Variants in UBE4B observed in about 807,000 individuals in gnomAD.
UBE4B encodes the protein ubiquitination factor E4B, also known as ubiquitin conjugation factor E4 B.
UBE4B carries 27 observed loss-of-function variants against 148.1 expected under a neutral mutation model. That is an observed-to-expected ratio of 0.18 (90% CI 0.13 to 0.25). UBE4B has a LOEUF of 0.25. Among genes scored for constraint, UBE4B ranks in the 10% least tolerant of loss-of-function variants. The pLI, the probability that UBE4B is intolerant of heterozygous loss-of-function variation, is 1.00. For missense variants in UBE4B, 1,170 were observed against 1,662.4 expected (o/e 0.70, Z 5.15); for synonymous variants, 596 against 619.3 (o/e 0.96, Z 0.56).
chr1:10,076,851 A>C (rs988484575), intron 2 of UBE4B, among the ~76,000 whole-genome samples: 6 of 143,340 alleles, frequency 4.2e-5, no homozygotes, highest in Non-Finnish European at 6.0e-5. Flanking sequence ...GTTTCAAGCT[A>C]TTCTCCTACC....
At chr1:10,087,261 G>A (rs1278316168) in intron 2 of UBE4B, among the ~76,000 whole-genome samples, 1 of 152,140 alleles carries the variant, frequency 6.6e-6, no homozygotes, top group Non-Finnish European at 1.5e-5. Context: ...AACTAGAAAT[G>A]ATGGAACTGG....
chr1:10,120,179 G>A (rs1057459889), intron 9 of UBE4B, among the ~76,000 whole-genome samples: 4 of 152,114 alleles, frequency 2.6e-5, no homozygotes, highest in African/African-American at 4.8e-5. Context: ...AAAAGGATGT[G>A]TATTTCATTT....
At position 10,147,043 on chromosome 1, in the gene UBE4B, C is replaced by A; in HGVS notation, c.2544C>A (p.Gly848=). ...SFLRRCLNFY[G]LLIQLLLRIL... ...TGAGAAGATGTCTGAATTTTTATGG[C>A]CTTCTCATTCAGCTGCTGCTCCGCA... The change falls in exon 19 of 28, where the codon GGC becomes GGA. Residue 848 remains glycine, a synonymous_variant. Coordinates refer to ENST00000343090, the MANE Select transcript of UBE4B (RefSeq NM_001105562.3). 6.2e-7 allele frequency: 1 copy of A among 1,614,136 alleles called. No homozygotes were observed. The highest frequency in any genetic ancestry group is 8.5e-7 in the Non-Finnish European group (1 of 1,180,018).
intron 20 of UBE4B, among the ~76,000 whole-genome samples, chr1:10,149,972 C>A (rs2101985054): frequency 6.6e-6 from 1 of 152,008 alleles, no homozygotes; most frequent in Admixed American, 6.6e-5. Flanking sequence ...GTCTGCATCT[C>A]TTTAAAAAAT....
intron 9 of UBE4B, among the ~76,000 whole-genome samples, chr1:10,121,342 G>A (rs911777310): frequency 5.9e-5 from 9 of 152,156 alleles, no homozygotes; most frequent in Middle Eastern, 3.4e-3. Context: ...GCAACAGAGC[G>A]AGACTCCATC....
intron 1 of UBE4B, among the ~76,000 whole-genome samples, chr1:10,068,355 C>CT (rs111908496): frequency 2.6e-3 from 335 of 130,864 alleles, no homozygotes; most frequent in East Asian, 6.0e-3. Flanking sequence ...TTTTCTTTTT[C>CT]TTTTTTTTTT....
chr1:10,097,052 A>AAT (rs1553143703), intron 3 of UBE4B, among the ~76,000 whole-genome samples: 8,306 of 138,188 alleles, frequency 0.06, 347 homozygotes, highest in Non-Finnish European at 0.089. Context: ...AAAAAAAAAA[A>AAT]AATAATAATA....
chr1:10,066,723 A>C (rs1312523825), intron 1 of UBE4B, among the ~76,000 whole-genome samples: 1 of 151,954 alleles, frequency 6.6e-6, no homozygotes, highest in Non-Finnish European at 1.5e-5. Context: ...CTGACCAACA[A>C]GGTGAAACCT....
At chr1:10,105,484 G>A in intron 5 of UBE4B, 32 bp from the exon 6 acceptor site, 2 of 1,603,658 alleles carry the variant, frequency 1.2e-6, no homozygotes, top group Non-Finnish European at 1.7e-6. Context: ...CGAACTGTGT[G>A]TAACCTGTTC....
At chr1:10,072,576 A>C (rs1427970662) in intron 2 of UBE4B, 2 of 692,308 alleles carry the variant, frequency 2.9e-6, no homozygotes, top group Non-Finnish European at 5.3e-6. Flanking sequence ...ATAATGGTCA[A>C]AATGAACACC....
chr1:10,178,191 T>C (rs1646454809), intron 25 of UBE4B, among the ~76,000 whole-genome samples: 1 of 152,152 alleles, frequency 6.6e-6, no homozygotes, highest in Admixed American at 6.6e-5. Context: ...GGATTGTTTT[T>C]ACCATGCTTA....
Position 10,105,715 on chromosome 1 carries a change from G to A in UBE4B, c.780G>A (p.Val260=), listed in dbSNP as rs1390147354. ...NPGTSPMFCS[V]ASFGASSLSS... The stretch of plus-strand genomic sequence containing the variant: ...GAACAAGCCCCATGTTCTGCAGCGT[G>A]GCTTCCTTTGGTGCCAGCTCTTTGT... Residue 260 remains valine, a synonymous_variant, in exon 6 of 28, where the codon GTG becomes GTA. Transcript: ENST00000343090. The A allele has an allele frequency of 5.0e-6, 8 of 1,613,906 alleles. No homozygotes were observed. The Admixed American group carries it at 1.2e-4, about 24-fold the overall frequency.
chr1:10,181,046 A>C lies in UBE4B; in HGVS notation c.*1090A>C, dbSNP rs967815967. On this transcript the variant is annotated 3_prime_UTR_variant, in exon 28 of 28. Transcript: ENST00000343090. ...TTTTTGTATTACTGCTCCCTACTTA[A>C]CATACTTGAATTCTCAAATTTCCTT... 6.6e-6 allele frequency: 1 copy of C among 150,920 alleles called. No individual in the cohort carries two copies. Among genetic ancestry groups the C allele is most frequent in the Non-Finnish European group, 1.5e-5 (1 of 67,866 alleles). 9.3% of individuals were successfully genotyped at this position (150,920 alleles called of 1,614,324 possible). A position where few individuals can be genotyped will look rare whatever the true frequency, so the allele number is the denominator to read the frequency against.
intron 17 of UBE4B, among the ~76,000 whole-genome samples, chr1:10,142,285 A>G (rs1286465650): frequency 6.6e-6 from 1 of 152,182 alleles, no homozygotes; most frequent in African/African-American, 2.4e-5. Flanking sequence ...CCGTAGCCAT[A>G]TAGGTCATTA....
chr1:10,066,715 G>A (rs1388491046), intron 1 of UBE4B, among the ~76,000 whole-genome samples: 1 of 152,086 alleles, frequency 6.6e-6, no homozygotes, highest in Non-Finnish European at 1.5e-5. Context: ...AGACCAGCCT[G>A]ACCAACAAGG....
intron 17 of UBE4B, among the ~76,000 whole-genome samples, chr1:10,137,738 G>A (rs1313078536): frequency 4.0e-5 from 6 of 151,854 alleles, no homozygotes; most frequent in African/African-American, 1.5e-4. Flanking sequence ...ATTTTTTCCT[G>A]TGTACTAACA....
intron 2 of UBE4B, among the ~76,000 whole-genome samples, chr1:10,089,000 CAAG>C (rs1325317064): frequency 6.6e-6 from 1 of 152,028 alleles, no homozygotes; most frequent in African/African-American, 2.4e-5. Context: ...TGTTTAGTCA[CAAG>C]AACAAAATGT....
At position 10,168,411 on chromosome 1, in the gene UBE4B, T is replaced by C; in HGVS notation, c.3333+141T>C. ...AGTGAAATTCTGTGACTGATTTTGT[T>C]CCCAGTTATGCTAATTGATACCAGA... On this transcript the variant is annotated intron_variant, in intron 24 of 27. Transcript: ENST00000343090. This position sits in a 1 kb window ranked among gnomAD's most constrained non-coding sequence, Gnocchi z 4.9. The C allele has an allele frequency of 7.4e-7, 1 of 1,347,124 alleles. No individual in the cohort carries two copies. Among genetic ancestry groups the C allele is most frequent in the Non-Finnish European group, 1.0e-6 (1 of 999,032 alleles). The allele number at this position is 1,347,124 out of a possible 1,614,324, so 83.4% of individuals were successfully genotyped here. A position where few individuals can be genotyped will look rare whatever the true frequency, so the allele number is the denominator to read the frequency against.
intron 5 of UBE4B, among the ~76,000 whole-genome samples, chr1:10,104,049 C>T (rs957922736): frequency 9.2e-5 from 14 of 152,122 alleles, no homozygotes; most frequent in Non-Finnish European, 1.5e-4. Context: ...CTTGAGCCAC[C>T]GAGCCTGGCC....
Sources: allele counts gnomAD v4.1 joint callset (sites outside exome capture counted in the v4.1 genomes callset), GRCh38; gene constraint gnomAD v4.1.1; non-coding constraint Gnocchi (gnomAD v3.1); transcripts MANE v1.5; gene names NCBI Gene and HGNC (gene_info 2026-07-23, HGNC 2026-07-21).